Variants in ADCY10 observed in about 807,000 individuals in gnomAD.
ADCY10 encodes adenylate cyclase 10, also known as adenylate cyclase type 10.
A neutral mutation model predicts 183.3 loss-of-function variants in ADCY10; 156 were observed. The ratio of observed to expected loss-of-function variants is 0.85; its 90% CI spans 0.75 to 0.97. ADCY10 has a LOEUF of 0.97. Among genes scored for constraint, ADCY10 ranks in the 50% least tolerant of loss-of-function variants. The pLI, the probability that ADCY10 is intolerant of heterozygous loss-of-function variation, is 0.00. For synonymous variants in ADCY10, 645 were observed against 670.0 expected (o/e 0.96, Z 0.58); for missense variants, 1,745 against 1,934.3 (o/e 0.90, Z 1.84).
intron 31 of ADCY10, among the ~76,000 whole-genome samples, chr1:167,816,737 C>CA (rs932106485): frequency 1.5e-4 from 23 of 152,120 alleles, no homozygotes; most frequent in African/African-American, 5.3e-4. Flanking sequence ...AAATTGAAGA[C>CA]AAAATAAAGA....
intron 30 of ADCY10, 146 bp from the exon 31 acceptor site, chr1:167,818,413 C>G: frequency 1.3e-6 from 1 of 794,754 alleles, no homozygotes; most frequent in Non-Finnish European, 2.2e-6. Context: ...TTCACACTCC[C>G]TAAAAAAGCA....
At chr1:167,861,128 G>GCTTTCCTTCAACCTCTATTA in intron 14 of ADCY10, 65 bp from the exon 15 acceptor site, 1 of 1,371,502 alleles carries the variant, frequency 7.3e-7, no homozygotes, top group Non-Finnish European at 1.0e-6. Context: ...AAATAATAGA[G>GCTTTCCTTCAACCTCTATTA]GTTGAAGGAA....
At chr1:167,891,831 C>T (rs1394827071) in intron 8 of ADCY10, among the ~76,000 whole-genome samples, 9 of 152,088 alleles carry the variant, frequency 5.9e-5, no homozygotes, top group Admixed American at 5.9e-4. Flanking sequence ...AACACATTTT[C>T]TAGATTAAAG....
intron 1 of ADCY10, among the ~76,000 whole-genome samples, chr1:167,906,760 T>C (rs978358781): frequency 6.6e-6 from 1 of 151,904 alleles, no homozygotes; most frequent in Admixed American, 6.6e-5. Flanking sequence ...CTGCACTCTA[T>C]CCTAGGTGAC....
chr1:167,859,980 A>C, intron 15 of ADCY10, 87 bp from the exon 16 acceptor site: 1 of 980,950 alleles, frequency 1.0e-6, no homozygotes, highest in Non-Finnish European at 1.6e-6. Flanking sequence ...ACACTTAACT[A>C]TTCTGTGTCT....
intron 21 of ADCY10, among the ~76,000 whole-genome samples, chr1:167,839,293 A>C (rs1456961322): frequency 2.0e-5 from 3 of 152,214 alleles, no homozygotes; most frequent in African/African-American, 7.2e-5. Context: ...ATGGGATGTA[A>C]GAGGAAATAC....
Position 167,882,593 on chromosome 1 carries a change from A to G in ADCY10, c.1020+844T>C, listed in dbSNP as rs543568358. Among the ~76,000 whole-genome samples, 10 of 152,184 alleles carry G rather than the reference A, an allele frequency of 6.6e-5. No homozygotes were observed. In the South Asian group the frequency reaches 2.1e-3, roughly 32 times the overall value. Reference sequence around the variant, plus strand: ...GGGGAACTGGAGGTGTTGACATGGCAAGTGGGCTTTCTTGGAAACAAGCTT... The same window carrying G: ...GGGGAACTGGAGGTGTTGACATGGCGAGTGGGCTTTCTTGGAAACAAGCTT... On this transcript the variant is annotated intron_variant, in intron 9 of 32. Transcript: ENST00000367851.
intron 3 of ADCY10, 140 bp downstream of exon 3, chr1:167,903,747 A>G (rs751890822): frequency 5.3e-5 from 36 of 679,044 alleles, no homozygotes; most frequent in Non-Finnish European, 8.3e-5. Context: ...TCATATTTCA[A>G]AAAAGACTGG....
intron 23 of ADCY10, among the ~76,000 whole-genome samples, chr1:167,835,772 C>A (rs781052378): frequency 6.6e-6 from 1 of 152,100 alleles, no homozygotes; most frequent in Non-Finnish European, 1.5e-5. Context: ...CGTCTGCAGT[C>A]CCAGCTACTC....
At chr1:167,879,758 AT>A (rs1667743619) in intron 11 of ADCY10, among the ~76,000 whole-genome samples, 1 of 152,140 alleles carries the variant, frequency 6.6e-6, no homozygotes, top group Non-Finnish European at 1.5e-5. Context: ...GAGTGTCATT[AT>A]TTTTCAGTAA....
intron 31 of ADCY10, among the ~76,000 whole-genome samples, chr1:167,816,678 G>A (rs1265662900): frequency 1.3e-5 from 2 of 152,112 alleles, no homozygotes; most frequent in Admixed American, 1.3e-4. Context: ...ATGACCTGTT[G>A]ACAGGAAAAA....
intron 19 of ADCY10, among the ~76,000 whole-genome samples, chr1:167,847,501 C>T (rs203794): frequency 0.18 from 27,441 of 151,756 alleles, 2,772 homozygotes; most frequent in East Asian, 0.41. Context: ...CTGCAACCTC[C>T]GCCTCCTGGG....
intron 30 of ADCY10, chr1:167,820,200 C>T (rs1558146147): frequency 2.0e-5 from 31 of 1,543,378 alleles, no homozygotes; most frequent in Non-Finnish European, 2.6e-5. Flanking sequence ...GCTCCCGAGG[C>T]TGCGACGGCT....
chr1:167,878,612 C>T lies in ADCY10; in HGVS notation c.1240G>A (p.Ala414Thr). The T allele has an allele frequency of 6.2e-7, 1 of 1,614,044 alleles. No individual in the cohort carries two copies. Among genetic ancestry groups the T allele is most frequent in the Non-Finnish European group, 8.5e-7 (1 of 1,180,018 alleles). The stretch of plus-strand genomic sequence containing the variant: ...GGGTAGTACATCATCATCCTGGCAG[C>T]TAAGTTGACTTTTTGACCAATGACT... ...YTVIGQKVNL[A>T]ARMMMYYPGI... Residue 414 changes from alanine to threonine, a missense_variant, in exon 12 of 33, where the codon GCT becomes ACT. Coordinates refer to ENST00000367851, the MANE Select transcript of ADCY10 (RefSeq NM_018417.6).
At chr1:167,841,450 C>T (rs138079475) in intron 21 of ADCY10, among the ~76,000 whole-genome samples, 1 of 144,686 alleles carries the variant, frequency 6.9e-6, no homozygotes, top group East Asian at 2.0e-4. Flanking sequence ...TCCTACCCAA[C>T]ATTCTTTTCT....
intron 14 of ADCY10, among the ~76,000 whole-genome samples, chr1:167,868,972 T>C (rs138263815): frequency 1.1e-4 from 16 of 152,346 alleles, no homozygotes; most frequent in African/African-American, 3.8e-4. Context: ...TCAAAATAGA[T>C]TGGCTCTCGA....
At chr1:167,838,755 C>G (rs1664408691) in intron 21 of ADCY10, among the ~76,000 whole-genome samples, 1 of 152,218 alleles carries the variant, frequency 6.6e-6, no homozygotes, top group South Asian at 2.1e-4. Context: ...ACCTTGGCAA[C>G]TGCCATTTGA....
At chr1:167,853,162 T>C (rs905391054) in intron 18 of ADCY10, among the ~76,000 whole-genome samples, 18 of 152,182 alleles carry the variant, frequency 1.2e-4, no homozygotes, top group African/African-American at 3.4e-4. Context: ...AGGAATACGT[T>C]TTGACCCTCT....
chr1:167,846,578 T>G lies in ADCY10; in HGVS notation c.2438-315A>C, dbSNP rs2902467. 0.26 allele frequency among the ~76,000 whole-genome samples: 40,270 copies of G among 152,016 alleles called. 7,029 individuals carry two copies. The highest frequency in any genetic ancestry group is 0.5 in the African/African-American group (20,866 of 41,410). On this transcript the variant is annotated intron_variant, in intron 19 of 32. Transcript: ENST00000367851. ...TGTGTGTGAGGAGAGGAGAGGACAT[T>G]GTAATCACTATTGTCAGAAGGAGCA... is the stretch of plus-strand genomic sequence containing the variant.
Sources: allele counts gnomAD v4.1 joint callset (sites outside exome capture counted in the v4.1 genomes callset), GRCh38; gene constraint gnomAD v4.1.1; transcripts MANE v1.5; gene names NCBI Gene and HGNC (gene_info 2026-07-23, HGNC 2026-07-21).